STK3: variants seen among roughly 807,000 people sequenced by gnomAD.
STK3 encodes serine/threonine kinase 3.
A neutral mutation model predicts 58.0 loss-of-function variants in STK3; 41 were observed. The observed-to-expected ratio is 0.71, with a 90% CI of 0.55 to 0.92. STK3 has a LOEUF of 0.92. Among genes scored for constraint, STK3 ranks in the 40% least tolerant of loss-of-function variants. STK3 has a pLI of 0.00. For synonymous variants in STK3, 170 were observed against 191.0 expected (o/e 0.89, Z 0.91); for missense variants, 479 against 602.7 (o/e 0.79, Z 2.15).
intron 10 of STK3, among the ~76,000 whole-genome samples, chr8:98,499,962 T>C (rs1305137917): frequency 6.6e-6 from 1 of 152,160 alleles, no homozygotes; most frequent in Non-Finnish European, 1.5e-5. Context: ...GAGGGCAGAC[T>C]GTGGTAAGCT....
intron 2 of STK3, among the ~76,000 whole-genome samples, chr8:98,371,836 A>C (rs1387075629): frequency 6.6e-6 from 1 of 152,198 alleles, no homozygotes; most frequent in African/African-American, 2.4e-5. Flanking sequence ...GACATAGGAC[A>C]TGGTGGTGTT....
intron 6 of STK3, among the ~76,000 whole-genome samples, chr8:98,684,312 G>C (rs963765806): frequency 5.9e-5 from 9 of 152,184 alleles, no homozygotes; most frequent in African/African-American, 2.2e-4. Flanking sequence ...TCAATAAGCA[G>C]GTTCAGGCAC....
At chr8:98,458,786 G>A (rs1819706124) in intron 10 of STK3, among the ~76,000 whole-genome samples, 1 of 152,108 alleles carries the variant, frequency 6.6e-6, no homozygotes, top group Non-Finnish European at 1.5e-5. Context: ...CTCACCACGT[G>A]AGAAGGTCCA....
At chr8:98,816,465 T>C (rs1834550874) in intron 1 of STK3, among the ~76,000 whole-genome samples, 1 of 151,988 alleles carries the variant, frequency 6.6e-6, no homozygotes, top group Admixed American at 6.6e-5. Flanking sequence ...GAGCTGAGAT[T>C]GCACTACTGC....
chr8:98,546,204 T>C (rs2131577457), intron 9 of STK3, among the ~76,000 whole-genome samples: 1 of 152,310 alleles, frequency 6.6e-6, no homozygotes, highest in Non-Finnish European at 1.5e-5. Context: ...CAATCAGTTA[T>C]AACAAAATTA....
At chr8:98,352,754 G>A in the STK3 span, among the ~76,000 whole-genome samples, 1 of 151,880 alleles carries the variant, frequency 6.6e-6, no homozygotes, top group Non-Finnish European at 1.5e-5. Flanking sequence ...TACTTCTGAT[G>A]TTCCTTCTTA....
intron 10 of STK3, among the ~76,000 whole-genome samples, chr8:98,524,752 T>C (rs1268876118): frequency 2.0e-5 from 3 of 152,198 alleles, no homozygotes; most frequent in African/African-American, 7.2e-5. Flanking sequence ...GTTAGCACAA[T>C]TGCCAACACA....
chr8:98,779,086 A>G (rs1264748658), intron 1 of STK3, among the ~76,000 whole-genome samples: 3 of 152,062 alleles, frequency 2.0e-5, no homozygotes, highest in Non-Finnish European at 4.4e-5. Flanking sequence ...ATGTTTCCTT[A>G]TCCCTAGCAG....
At chr8:98,940,947 A>T (rs1255816792) in intron 1 of STK3, among the ~76,000 whole-genome samples, 1 of 152,222 alleles carries the variant, frequency 6.6e-6, no homozygotes, top group Non-Finnish European at 1.5e-5. Context: ...GGCCCTCTCC[A>T]CAGGACCCCT....
intron 3 of STK3, among the ~76,000 whole-genome samples, chr8:98,844,631 A>G (rs1836127456): frequency 6.6e-6 from 1 of 151,892 alleles, no homozygotes; most frequent in African/African-American, 2.4e-5. Flanking sequence ...ATGCTCAGCT[A>G]ATTTTTGTAC....
chr8:98,893,941 C>T (rs141106483), intron 1 of STK3, among the ~76,000 whole-genome samples: 9 of 152,302 alleles, frequency 5.9e-5, no homozygotes, highest in Non-Finnish European at 8.8e-5. Flanking sequence ...GCAGCCCATG[C>T]TTCATGTATT....
chr8:98,675,350 T>C (rs1823122446), intron 6 of STK3, among the ~76,000 whole-genome samples: 2 of 152,228 alleles, frequency 1.3e-5, no homozygotes, highest in African/African-American at 4.8e-5. Context: ...ATGATGTAAA[T>C]GTGATTCAAC....
intron 3 of STK3, among the ~76,000 whole-genome samples, chr8:98,843,064 A>G (rs1278623315): frequency 6.7e-6 from 1 of 149,962 alleles, no homozygotes; most frequent in Non-Finnish European, 1.5e-5. Context: ...TAGATAAATT[A>G]ATATATATAA....
chr8:98,841,133 A>G (rs1835965047), intron 3 of STK3, among the ~76,000 whole-genome samples: 1 of 152,234 alleles, frequency 6.6e-6, no homozygotes, highest in Admixed American at 6.5e-5. Context: ...AATGGAAGTC[A>G]CAGTCTTTTG....
At chr8:98,688,971 A>C (rs1264793440) in intron 6 of STK3, among the ~76,000 whole-genome samples, 1 of 152,190 alleles carries the variant, frequency 6.6e-6, no homozygotes, top group Non-Finnish European at 1.5e-5. Context: ...GAAACAAAAA[A>C]TTGGTTTTTT....
At chr8:98,648,740 A>AAAT (rs2130673692) in intron 6 of STK3, among the ~76,000 whole-genome samples, 1 of 152,236 alleles carries the variant, frequency 6.6e-6, no homozygotes, top group African/African-American at 2.4e-5. Context: ...AAAAATACAA[A>AAAT]AATAAGCCGG....
chr8:98,685,814 T>A (rs954714710), intron 6 of STK3, among the ~76,000 whole-genome samples: 1 of 151,590 alleles, frequency 6.6e-6, no homozygotes, highest in Non-Finnish European at 1.5e-5. Context: ...GGGAGAGTAT[T>A]CACCTACACA....
chr8:98,914,900 T>A (rs956778414), intron 1 of STK3, among the ~76,000 whole-genome samples: 1 of 152,232 alleles, frequency 6.6e-6, no homozygotes, highest in Non-Finnish European at 1.5e-5. Flanking sequence ...TATCCAGGAC[T>A]ACATTTTAAA....
chr8:98,357,634 T>A, the STK3 span, among the ~76,000 whole-genome samples: 1 of 152,258 alleles, frequency 6.6e-6, no homozygotes, highest in East Asian at 1.9e-4. Flanking sequence ...CTAATTGTGA[T>A]AGGCACAACC....
Sources: allele counts gnomAD v4.1 joint callset (sites outside exome capture counted in the v4.1 genomes callset), GRCh38; gene constraint gnomAD v4.1.1; transcripts MANE v1.5; gene names NCBI Gene and HGNC (gene_info 2026-07-23, HGNC 2026-07-21).